The following MAP4K4 variants were observed in gnomAD, a reference collection of about 807,000 sequenced individuals.
MAP4K4 encodes HPK/GCK-like kinase HGK.
MAP4K4 carries 38 observed loss-of-function variants against 189.6 expected under a neutral mutation model. The observed-to-expected ratio is 0.20, with a 90% confidence interval of 0.15 to 0.26. The LOEUF is 0.26. Among genes scored for constraint, MAP4K4 ranks in the 10% least tolerant of loss-of-function variants. The probability of loss-of-function intolerance (pLI) is 1.00; values close to 1 mark genes in which losing one functional copy is unlikely to be tolerated. For missense variants in MAP4K4, 1,054 were observed against 1,726.9 expected (o/e 0.61, Z 6.91); for synonymous variants, 610 against 624.3 (o/e 0.98, Z 0.34).
chr2:101,869,910 A>G (rs2097931266), intron 22 of MAP4K4, 113 bp downstream of exon 22: 4 of 1,371,230 alleles, frequency 2.9e-6, no homozygotes, highest in Non-Finnish European at 3.9e-6. Context: ...CTTACTATGT[A>G]GTTCTCGTGG....
At chr2:101,757,509 A>C (rs2073505072) in intron 2 of MAP4K4, among the ~76,000 whole-genome samples, 1 of 152,196 alleles carries the variant, frequency 6.6e-6, no homozygotes, top group Non-Finnish European at 1.5e-5. Context: ...GATATACAGT[A>C]ATAATGACAG....
chr2:101,819,616 T>G (rs1337760909), intron 3 of MAP4K4, among the ~76,000 whole-genome samples: 2 of 152,230 alleles, frequency 1.3e-5, no homozygotes, highest in Non-Finnish European at 2.9e-5. Flanking sequence ...TTCCTTGCAA[T>G]ATATTTTGTA....
chr2:101,742,870 A>T (rs1305450403), intron 2 of MAP4K4, among the ~76,000 whole-genome samples: 1 of 152,210 alleles, frequency 6.6e-6, no homozygotes, highest in African/African-American at 2.4e-5. Flanking sequence ...CTGCCTAAGC[A>T]TGTCAGTTAT....
At chr2:101,785,698 C>CTTTTCCTTTTTTGAG (rs1558913722) in intron 2 of MAP4K4, among the ~76,000 whole-genome samples, 3 of 3,988 alleles carry the variant, frequency 7.5e-4, no homozygotes, top group Admixed American at 2.1e-3. Context: ...CTCTCTCTCT[C>CTTTTCCTTTTTTGAG]TCTCTCTCTC....
chr2:101,842,708 C>A (rs758507057), intron 11 of MAP4K4, 27 bp downstream of exon 11: 4 of 1,574,756 alleles, frequency 2.5e-6, no homozygotes, highest in African/African-American at 1.3e-5. Flanking sequence ...TGTTCAGTAT[C>A]CTGCTTTATG....
chr2:101,726,993 T>G (rs2055775333), intron 2 of MAP4K4, among the ~76,000 whole-genome samples: 1 of 152,136 alleles, frequency 6.6e-6, no homozygotes, highest in African/African-American at 2.4e-5. Flanking sequence ...GCATGCTAAC[T>G]CATGTCTCTT....
intron 2 of MAP4K4, among the ~76,000 whole-genome samples, chr2:101,716,753 C>T (rs2048643757): frequency 6.6e-6 from 1 of 152,136 alleles, no homozygotes; most frequent in Non-Finnish European, 1.5e-5. Context: ...TAGGATCTCT[C>T]CGGAAGCTGA....
intron 3 of MAP4K4, among the ~76,000 whole-genome samples, chr2:101,819,847 C>T (rs950827169): frequency 7.9e-5 from 12 of 152,100 alleles, no homozygotes; most frequent in African/African-American, 2.9e-4. Flanking sequence ...ACTTTATGGT[C>T]GACAGTGCTT....
intron 10 of MAP4K4, 98 bp downstream of exon 10, chr2:101,840,092 A>C (rs1023245087): frequency 2.2e-5 from 26 of 1,187,810 alleles, no homozygotes; most frequent in Non-Finnish European, 3.0e-5. Flanking sequence ...GAGAGTGCTC[A>C]CTTGGCCAGT....
intron 2 of MAP4K4, among the ~76,000 whole-genome samples, chr2:101,725,159 A>G (rs1431949601): frequency 6.6e-6 from 1 of 152,214 alleles, no homozygotes; most frequent in Non-Finnish European, 1.5e-5. Context: ...TAATTTTAAA[A>G]GTATTTGCTT....
intron 2 of MAP4K4, among the ~76,000 whole-genome samples, chr2:101,709,466 G>A (rs966870977): frequency 4.6e-5 from 7 of 152,340 alleles, no homozygotes; most frequent in African/African-American, 1.7e-4. Flanking sequence ...GCCTCCCAAA[G>A]TGCTGGGATT....
At chr2:101,876,064 C>T (rs914607299) in intron 26 of MAP4K4, among the ~76,000 whole-genome samples, 1 of 152,168 alleles carries the variant, frequency 6.6e-6, no homozygotes, top group African/African-American at 2.4e-5. Context: ...AAAGGAGGGA[C>T]AGAGAAGGGG....
intron 14 of MAP4K4, 101 bp downstream of exon 14, chr2:101,859,183 T>A: frequency 9.9e-7 from 1 of 1,006,200 alleles, no homozygotes; most frequent in Non-Finnish European, 1.5e-6. Context: ...TTGGTTTTGC[T>A]GTGGGCAGCC....
intron 2 of MAP4K4, among the ~76,000 whole-genome samples, chr2:101,759,812 T>TTCCCA (rs1329492243): frequency 3.5e-5 from 4 of 112,808 alleles, no homozygotes; most frequent in Non-Finnish European, 7.2e-5. Flanking sequence ...TTCCCTCCCC[T>TTCCCA]TCCCATCCCC....
At chr2:101,820,737 G>A (rs1050116144) in intron 3 of MAP4K4, among the ~76,000 whole-genome samples, 7 of 152,162 alleles carry the variant, frequency 4.6e-5, no homozygotes, top group African/African-American at 1.7e-4. Context: ...GCCACTCACT[G>A]CTTGGTCAGG....
At chr2:101,835,696 G>C (rs1471810504) in intron 8 of MAP4K4, among the ~76,000 whole-genome samples, 4 of 152,070 alleles carry the variant, frequency 2.6e-5, no homozygotes. Flanking sequence ...TCTTCTTGTT[G>C]CTCTTGTCCT....
At chr2:101,884,170 T>C (rs987761184) in intron 28 of MAP4K4, among the ~76,000 whole-genome samples, 2 of 152,190 alleles carry the variant, frequency 1.3e-5, no homozygotes, top group Non-Finnish European at 2.9e-5. Context: ...ATATCATTCA[T>C]TCGTTGTCAT....
chr2:101,783,184 TTTC>T (rs2088654133), intron 2 of MAP4K4, among the ~76,000 whole-genome samples: 1 of 147,760 alleles, frequency 6.8e-6, no homozygotes, highest in Admixed American at 6.6e-5. Context: ...CTCTCTGGGA[TTTC>T]TTTCTAATCT....
At chr2:101,768,530 A>G (rs2079771779) in intron 2 of MAP4K4, among the ~76,000 whole-genome samples, 1 of 152,220 alleles carries the variant, frequency 6.6e-6, no homozygotes, top group Non-Finnish European at 1.5e-5. Flanking sequence ...TTTTCTTAAT[A>G]TTAACCCCAC....
Sources: allele counts gnomAD v4.1 joint callset (sites outside exome capture counted in the v4.1 genomes callset), GRCh38; gene constraint gnomAD v4.1.1; transcripts MANE v1.5; gene names NCBI Gene and HGNC (gene_info 2026-07-23, HGNC 2026-07-21).